Variants in AFF3 observed in about 807,000 individuals in gnomAD.
AFF3 encodes ALF transcription elongation factor 3.
Under a neutral mutation model 129.7 loss-of-function variants are expected in AFF3, and 32 were observed. The observed-to-expected ratio is 0.25, with a 90% CI of 0.19 to 0.33. The LOEUF (loss-of-function observed/expected upper bound fraction) is 0.33, where lower values mean the gene tolerates loss of function less well. Among genes scored for constraint, AFF3 ranks in the 10% least tolerant of loss-of-function variants. The probability of loss-of-function intolerance (pLI) is 1.00; values close to 1 mark genes in which losing one functional copy is unlikely to be tolerated. For missense variants in AFF3, 1,373 were observed against 1,592.0 expected (o/e 0.86, Z 2.34); for synonymous variants, 644 against 635.4 (o/e 1.01, Z -0.20).
chr2:99,847,840 C>T (rs1377638552), intron 7 of AFF3, among the ~76,000 whole-genome samples: 2 of 152,136 alleles, frequency 1.3e-5, no homozygotes, highest in African/African-American at 2.4e-5. Flanking sequence ...GAACTGCTTT[C>T]TATCCTCATT....
intron 7 of AFF3, among the ~76,000 whole-genome samples, chr2:99,852,729 T>C (rs1406096763): frequency 1.3e-5 from 2 of 152,214 alleles, no homozygotes; most frequent in Admixed American, 1.3e-4. Flanking sequence ...AATAGTGTGA[T>C]GTAAAAAGGC....
intron 8 of AFF3, among the ~76,000 whole-genome samples, chr2:99,807,163 C>A (rs910512591): frequency 2.0e-5 from 3 of 152,074 alleles, no homozygotes; most frequent in Non-Finnish European, 4.4e-5. Flanking sequence ...AACCTGTCAC[C>A]CATGAATGCA....
intron 7 of AFF3, among the ~76,000 whole-genome samples, chr2:99,867,719 G>A (rs550277129): frequency 1.8e-4 from 28 of 152,222 alleles, no homozygotes; most frequent in East Asian, 9.7e-4. Flanking sequence ...CCCAATCCCC[G>A]GGAGTGAAAG....
chr2:99,585,701 C>T (rs939427856), intron 16 of AFF3, among the ~76,000 whole-genome samples: 3 of 152,110 alleles, frequency 2.0e-5, no homozygotes, highest in African/African-American at 4.8e-5. Context: ...ACCGTGTCAC[C>T]GGTATAAATC....
chr2:99,666,513 A>G (rs1686689167), intron 12 of AFF3, among the ~76,000 whole-genome samples: 1 of 152,226 alleles, frequency 6.6e-6, no homozygotes, highest in Non-Finnish European at 1.5e-5. Flanking sequence ...GGAAGAAACT[A>G]AACAAAAAAT....
At chr2:100,085,015 G>A (rs1256504609) in intron 4 of AFF3, among the ~76,000 whole-genome samples, 5 of 151,834 alleles carry the variant, frequency 3.3e-5, no homozygotes, top group East Asian at 1.9e-4. Context: ...CAAGAAATTC[G>A]GAAACTGAGT....
At chr2:99,748,553 C>A (rs964597887) in intron 9 of AFF3, among the ~76,000 whole-genome samples, 2 of 152,160 alleles carry the variant, frequency 1.3e-5, no homozygotes, top group African/African-American at 4.8e-5. Context: ...TGATCCCCTC[C>A]CCCTGGAATG....
intron 7 of AFF3, among the ~76,000 whole-genome samples, chr2:99,897,383 T>C (rs1229772504): frequency 1.3e-5 from 2 of 152,146 alleles, no homozygotes; most frequent in Non-Finnish European, 2.9e-5. Context: ...TCCAGCCTAT[T>C]TTCATAGAAT....
intron 18 of AFF3, among the ~76,000 whole-genome samples, chr2:99,576,283 A>AG (rs1316793823): frequency 6.6e-6 from 1 of 150,530 alleles, no homozygotes; most frequent in Admixed American, 6.6e-5. Context: ...CACCTGCCCC[A>AG]GTCTCCCAAA....
chr2:99,665,558 T>G (rs566782578), intron 12 of AFF3, among the ~76,000 whole-genome samples: 1 of 152,308 alleles, frequency 6.6e-6, no homozygotes, highest in African/African-American at 2.4e-5. Context: ...AGAAGTCCAG[T>G]TGGGCACAGA....
intron 4 of AFF3, among the ~76,000 whole-genome samples, chr2:100,009,746 G>A (rs1322392539): frequency 6.6e-6 from 1 of 152,122 alleles, no homozygotes; most frequent in African/African-American, 2.4e-5. Flanking sequence ...GAAAACAAAG[G>A]GGCTAATTCA....
intron 4 of AFF3, among the ~76,000 whole-genome samples, chr2:100,039,723 T>A (rs1309912292): frequency 6.6e-6 from 1 of 152,106 alleles, no homozygotes; most frequent in Non-Finnish European, 1.5e-5. Flanking sequence ...CTTTCTAACT[T>A]TGTTTGAACT....
At chr2:99,964,157 T>C (rs953807317) in intron 7 of AFF3, among the ~76,000 whole-genome samples, 1 of 152,218 alleles carries the variant, frequency 6.6e-6, no homozygotes, top group South Asian at 2.1e-4. Flanking sequence ...TCCATAATTA[T>C]AGCAGGGGAC....
rs748071711 is a variant in AFF3, at chr2:100,060,949, C to T, written c.53+43453G>A. 3.3e-5 allele frequency among the ~76,000 whole-genome samples: 5 copies of T among 152,288 alleles called. No individual in the cohort carries two copies. In the South Asian group the frequency reaches 8.3e-4, roughly 25 times the overall value. ...CTCAGACTTCCCTTGTTTTCGATGA[C>T]GTTGATGGTCTTGAGGAACACTGCC... is the stretch of plus-strand genomic sequence containing the variant. On this transcript the variant is annotated intron_variant, in intron 4 of 24. Coordinates refer to ENST00000672756, the MANE Select transcript of AFF3 (RefSeq NM_001386135.1).
chr2:99,872,807 A>C (rs1286035903), intron 7 of AFF3, among the ~76,000 whole-genome samples: 1 of 152,122 alleles, frequency 6.6e-6, no homozygotes, highest in Admixed American at 6.5e-5. Context: ...CACATTCATT[A>C]ACATTACCAC....
chr2:99,806,439 T>C (rs532179004), intron 8 of AFF3, among the ~76,000 whole-genome samples: 1 of 151,710 alleles, frequency 6.6e-6, no homozygotes, highest in Non-Finnish European at 1.5e-5. Context: ...GCGATGGGAG[T>C]GTGTGCCAGG....
At chr2:100,007,062 C>T (rs768270962) in intron 6 of AFF3, 45 bp from the exon 7 acceptor site, 33 of 1,587,398 alleles carry the variant, frequency 2.1e-5, no homozygotes, top group South Asian at 8.0e-5. Context: ...TGAGGGGGGT[C>T]GACACATAGG....
intron 16 of AFF3, 148 bp downstream of exon 16, chr2:99,587,006 A>G: frequency 3.9e-6 from 4 of 1,038,696 alleles, no homozygotes; most frequent in East Asian, 2.4e-5. Flanking sequence ...AGCCATAATA[A>G]TAAGATTTGG....
Position 100,125,630 on chromosome 2 carries a change from TA to T in AFF3, c.-145+3593del, listed in dbSNP as rs138774449. 2.6e-3 allele frequency among the ~76,000 whole-genome samples: 391 copies of T among 150,270 alleles called. 3 individuals carry two copies. Among genetic ancestry groups the T allele is most frequent in the African/African-American group, 8.5e-3 (347 of 41,030 alleles). ...TTGCAGATGGAGGTATTATTTTGGT[TA>T]AAAAAAAAATCTGTAATTGTGAAAA... On this transcript the variant is annotated intron_variant, in intron 2 of 24. Transcript: ENST00000672756.
Sources: allele counts gnomAD v4.1 joint callset (sites outside exome capture counted in the v4.1 genomes callset), GRCh38; gene constraint gnomAD v4.1.1; transcripts MANE v1.5; gene names NCBI Gene and HGNC (gene_info 2026-07-23, HGNC 2026-07-21).